TTC7A: variants seen among roughly 807,000 people sequenced by gnomAD.
TTC7A encodes the protein tetratricopeptide repeat domain 7A.
Under a neutral mutation model 103.7 loss-of-function variants are expected in TTC7A, and 110 were observed. The ratio of observed to expected loss-of-function variants is 1.06; its 90% CI spans 0.91 to 1.24. The LOEUF is 1.24. Among genes scored for constraint, TTC7A ranks in the 50% most tolerant of loss-of-function variants. TTC7A has a pLI of 0.00. For missense variants in TTC7A, 1,340 were observed against 1,116.3 expected (o/e 1.20, Z -2.86); for synonymous variants, 521 against 467.9 (o/e 1.11, Z -1.47).
rs780230839 is a variant in TTC7A at position 47,011,412 on chromosome 2, G to A, written c.1369G>A (p.Val457Ile). ...CACCGTGCCCCTGATGGCCGCGAAG[G>A]TCTGCATCGGGTCCCTTCGCTGGGT... is the stretch of plus-strand genomic sequence containing the variant. ...DPTVPLMAAKVCIGSLRWLEE... is the reference protein window; with the variant it reads ...DPTVPLMAAKICIGSLRWLEE... The change falls in exon 11 of 20, where the codon GTC becomes ATC. Residue 457 changes from valine (V) to isoleucine (I), a missense_variant. Physicochemically the swap from Val to Ile is conservative, Grantham distance 29. Transcript: ENST00000319190. The A allele has an allele frequency of 1.9e-6, 3 of 1,609,166 alleles. No individual in the cohort carries two copies. Among genetic ancestry groups the A allele is most frequent in the South Asian group, 2.2e-5 (2 of 90,984 alleles).
chr2:47,054,226 C>T, intron 18 of TTC7A: 1 of 934,608 alleles, frequency 1.1e-6, no homozygotes, highest in Non-Finnish European at 1.3e-6. Flanking sequence ...GTGTCTTGCA[C>T]AAGGTGGGTG....
intron 10 of TTC7A, among the ~76,000 whole-genome samples, chr2:47,008,560 A>G (rs775090917): frequency 6.6e-6 from 1 of 152,196 alleles, no homozygotes; most frequent in Non-Finnish European, 1.5e-5. Flanking sequence ...CCAGTTGCCC[A>G]TGCATGAGGC....
chr2:46,951,416 T>A (rs1671392496), intron 2 of TTC7A, among the ~76,000 whole-genome samples: 1 of 152,178 alleles, frequency 6.6e-6, no homozygotes, highest in South Asian at 2.1e-4. Flanking sequence ...CTGTGTTAGA[T>A]TACAATGTAT....
intron 5 of TTC7A, among the ~76,000 whole-genome samples, chr2:46,987,534 T>C (rs765573619): frequency 6.6e-6 from 1 of 152,198 alleles, no homozygotes; most frequent in African/African-American, 2.4e-5. Context: ...CAAGAGCCCA[T>C]TTCTCTCTGA....
chr2:46,983,962 C>G (rs1263342879), intron 5 of TTC7A, among the ~76,000 whole-genome samples: 2 of 152,210 alleles, frequency 1.3e-5, no homozygotes, highest in Non-Finnish European at 2.9e-5. Context: ...TTTCAATACT[C>G]TGTCTCCTTT....
chr2:46,920,154 T>G (rs1396178288), intron 2 of TTC7A, among the ~76,000 whole-genome samples: 1 of 152,176 alleles, frequency 6.6e-6, no homozygotes, highest in East Asian at 1.9e-4. Flanking sequence ...TTCTTCAAAT[T>G]CATGTTGGGG....
chr2:46,941,911 G>A lies in TTC7A; in HGVS notation c.184+186G>A. 1 of 737,750 alleles carries A rather than the reference G, an allele frequency of 1.4e-6. No individual in the cohort carries two copies. The highest frequency in any genetic ancestry group is 2.2e-6 in the Non-Finnish European group (1 of 452,776). The allele number at this position is 737,750 out of a possible 1,614,324, so 45.7% of individuals were successfully genotyped here. On this transcript the variant is annotated intron_variant, in intron 1 of 19. Transcript: ENST00000319190. The surrounding 1 kb of genome is among the most constrained non-coding windows in gnomAD (Gnocchi z 4.2). ...GCGAGAGAAAAATCACATGTGGTTT[G>A]GGGGCTTGGAGGGAAGAGAAACGGC...
intron 5 of TTC7A, among the ~76,000 whole-genome samples, chr2:46,981,477 T>G: frequency 6.7e-6 from 1 of 149,642 alleles, no homozygotes; most frequent in African/African-American, 2.5e-5. Flanking sequence ...ATGGGAGGAG[T>G]CTGGGAGGGG....
chr2:47,045,963 T>TTAG (rs1252170075), intron 15 of TTC7A, among the ~76,000 whole-genome samples: 1 of 152,094 alleles, frequency 6.6e-6, no homozygotes, highest in Non-Finnish European at 1.5e-5. Flanking sequence ...AGGGCGTTGC[T>TTAG]TAGTGGAGGA....
rs912658029 is a variant in TTC7A, at chr2:47,050,293, C to T, written c.2017+247C>T. The T allele has an allele frequency of 7.5e-6, 4 of 533,068 alleles. No individual in the cohort carries two copies. The Admixed American group carries it at 9.4e-5, about 12-fold the overall frequency. The allele number at this position is 533,068 out of a possible 1,614,324, so 33.0% of individuals were successfully genotyped here. On this transcript the variant is annotated intron_variant, in intron 17 of 19. Transcript: ENST00000319190. ...CTGCATGGGGGTGAAGAAAGAGGAG[C>T]CTGGCTGAAAAGGTGGCTGTGGAGC...
At chr2:47,018,134 G>A (rs528804989) in intron 11 of TTC7A, among the ~76,000 whole-genome samples, 2 of 151,480 alleles carry the variant, frequency 1.3e-5, no homozygotes, top group African/African-American at 4.8e-5. Context: ...AAAATTAGCC[G>A]GGCATGGTGG....
At position 46,965,975 on chromosome 2, in the gene TTC7A, A is replaced by C. The variant is rs541305326; in HGVS notation, c.517+8968A>C. Among the ~76,000 whole-genome samples the C allele has an allele frequency of 5.3e-5, 8 of 151,640 alleles. 1 individual carries two copies. In the South Asian group the frequency reaches 1.5e-3, roughly 28 times the overall value. ...CATACTTTTTTTTTTCTTGAGGTGG[A>C]GTCTTGCTCTGTTGCCCAGGCTAGA... On this transcript the variant is annotated intron_variant, in intron 3 of 19. Transcript: ENST00000319190.
At chr2:47,068,862 C>CACAAAA (rs1558649748) in intron 19 of TTC7A, among the ~76,000 whole-genome samples, 2 of 69,764 alleles carry the variant, frequency 2.9e-5, no homozygotes, top group Non-Finnish European at 8.4e-5. Context: ...TCAATTTTTT[C>CACAAAA]AAAAAAAAAA....
chr2:46,947,807 A>C (rs1044504415), intron 1 of TTC7A, among the ~76,000 whole-genome samples: 6 of 152,096 alleles, frequency 3.9e-5, no homozygotes, highest in African/African-American at 1.4e-4. Flanking sequence ...ACAAAGTACT[A>C]CCTCCCAATT....
chr2:46,990,882 G>A (rs901562166), intron 5 of TTC7A, among the ~76,000 whole-genome samples: 1 of 152,150 alleles, frequency 6.6e-6, no homozygotes, highest in Non-Finnish European at 1.5e-5. Flanking sequence ...ATCTGATAAA[G>A]CCCAGATTGC....
chr2:46,934,295 G>A (rs1026606961), intron 2 of TTC7A, among the ~76,000 whole-genome samples: 1 of 152,202 alleles, frequency 6.6e-6, no homozygotes, highest in African/African-American at 2.4e-5. Context: ...GTCTTGCTCT[G>A]TTGCTCAGGC....
chr2:47,046,157 A>G (rs1334367285), intron 15 of TTC7A, among the ~76,000 whole-genome samples, 158 bp from the exon 16 acceptor site: 1 of 152,210 alleles, frequency 6.6e-6, no homozygotes, highest in East Asian at 1.9e-4. Context: ...AGAGAAAGCA[A>G]GCGGTCCAGG....
chr2:47,057,968 T>C (rs951029232), intron 18 of TTC7A, among the ~76,000 whole-genome samples: 11 of 152,272 alleles, frequency 7.2e-5, no homozygotes, highest in Admixed American at 6.5e-4. Context: ...TTCTCCTCCT[T>C]GTGGGGAGAC....
chr2:46,921,716 G>A (rs749782757), intron 2 of TTC7A, among the ~76,000 whole-genome samples: 9 of 152,196 alleles, frequency 5.9e-5, no homozygotes, highest in Non-Finnish European at 1.0e-4. Flanking sequence ...AAGTGGTTGG[G>A]GGAGGGACAA....
Sources: allele counts gnomAD v4.1 joint callset (sites outside exome capture counted in the v4.1 genomes callset), GRCh38; gene constraint gnomAD v4.1.1; non-coding constraint Gnocchi (gnomAD v3.1); transcripts MANE v1.5; gene names NCBI Gene and HGNC (gene_info 2026-07-23, HGNC 2026-07-21).